The following CCDC18 variants were observed in gnomAD, a reference collection of about 807,000 sequenced individuals.
The protein encoded by CCDC18 is coiled-coil domain containing 18.
Under a neutral mutation model 196.0 loss-of-function variants are expected in CCDC18, and 157 were observed. The ratio of observed to expected loss-of-function variants is 0.80; its 90% CI spans 0.70 to 0.91. The LOEUF is 0.91. Among genes scored for constraint, CCDC18 ranks in the 40% least tolerant of loss-of-function variants. The probability of loss-of-function intolerance (pLI) is 0.00; values close to 1 mark genes in which losing one functional copy is unlikely to be tolerated. For missense variants in CCDC18, 1,465 were observed against 1,611.6 expected, an observed-to-expected ratio of 0.91 and a Z score of 1.56; for synonymous variants, 482 against 529.2, an observed-to-expected ratio of 0.91 and a Z score of 1.22.
At chr1:93,192,173 A>T (rs958584878) in intron 5 of CCDC18, 67 bp downstream of exon 5, 3 of 1,077,950 alleles carry the variant, frequency 2.8e-6, no homozygotes, top group African/African-American at 3.2e-5. Flanking sequence ...TATCTTGTTA[A>T]ATCTTGTTCC....
chr1:93,186,372 C>T lies in CCDC18; in HGVS notation c.331C>T (p.Gln111Ter). The T allele has an allele frequency of 1.2e-6, 2 of 1,611,640 alleles. No homozygotes were observed. The highest frequency in any genetic ancestry group is 1.7e-6 in the Non-Finnish European group (2 of 1,178,666). Residue 111 changes from glutamine (Q) to a stop codon, truncating the protein, a stop_gained, in exon 4 of 29, where the codon CAG becomes TAG. Coordinates refer to ENST00000690025, the MANE Select transcript of CCDC18 (RefSeq NM_001378204.1). LOFTEE classifies it high-confidence loss of function. Reference protein sequence around the residue: ...KMFSSSAPVDQEIKSLREKLN... With the variant: ...KMFSSSAPVD ...GTTTTCATCTTCTGCCCCTGTGGAT[C>T]AGGAGATTAAAAGCCTTCGAGAGAA...
intron 28 of CCDC18, among the ~76,000 whole-genome samples, chr1:93,271,938 A>C (rs1327814232): frequency 1.3e-5 from 2 of 151,692 alleles, no homozygotes; most frequent in African/African-American, 4.9e-5. Flanking sequence ...TGAACTAATT[A>C]CTTTCTCACT....
chr1:93,193,837 A>G (rs900978059), intron 6 of CCDC18, 93 bp downstream of exon 6: 1 of 953,306 alleles, frequency 1.0e-6, no homozygotes, highest in Non-Finnish European at 1.5e-6. Context: ...AAGTGAAAAA[A>G]TTTCAGAGAT....
intron 17 of CCDC18, 76 bp downstream of exon 17, chr1:93,226,525 AT>A (rs1553174834): frequency 2.4e-4 from 14 of 57,542 alleles, no homozygotes; most frequent in South Asian, 7.8e-4. Flanking sequence ...GTAGGACAAA[AT>A]ATATATATAT....
At chr1:93,200,762 T>G (rs1236212390) in intron 6 of CCDC18, among the ~76,000 whole-genome samples, 1 of 152,214 alleles carries the variant, frequency 6.6e-6, no homozygotes, top group Non-Finnish European at 1.5e-5. Context: ...CTTTTTGATG[T>G]GGCTGAAATA....
chr1:93,254,812 C>G (rs1662718020), intron 24 of CCDC18, among the ~76,000 whole-genome samples, 198 bp downstream of exon 24: 2 of 152,036 alleles, frequency 1.3e-5, no homozygotes. Context: ...TAGGCAAAGA[C>G]AGTGTCTTAT....
At position 93,246,847 on chromosome 1, in the gene CCDC18, T is replaced by G; in HGVS notation, c.3091T>G (p.Leu1031Val). 6.9e-7 allele frequency: 1 copy of G among 1,455,948 alleles called. No individual in the cohort carries two copies. The highest frequency in any genetic ancestry group is 9.6e-7 in the Non-Finnish European group (1 of 1,046,492). The allele number at this position is 1,455,948 out of a possible 1,614,324, so 90.2% of individuals were successfully genotyped here. A position where few individuals can be genotyped will look rare whatever the true frequency, so the allele number is the denominator to read the frequency against. Residue 1031 changes from leucine (L) to valine (V), a missense_variant, in exon 23 of 29, where the codon TTG (leucine) becomes GTG (valine). By Grantham distance (32) the Leu-to-Val change is conservative. Transcript: ENST00000690025. ...LKQRAAQVTH[L>V]DMTIREHRGE... ...TAAGGTTATTTTTTAGGTTACACAT[T>G]TGGATATGACTATTCGTGAGCACAG...
chr1:93,206,834 G>A (rs1219507931), intron 8 of CCDC18, among the ~76,000 whole-genome samples: 2 of 152,032 alleles, frequency 1.3e-5, no homozygotes, highest in African/African-American at 2.4e-5. Context: ...AAGACAGTAG[G>A]GCTGTCCTTC....
chr1:93,270,337 T>G lies in CCDC18; in HGVS notation c.3886-10T>G, dbSNP rs186513936. Reference sequence around the variant, plus strand: ...TATTGAGCACCTACTATGTACCAATTTATCTGCAGGAATCAGAATTAACCA... The same window carrying G: ...TATTGAGCACCTACTATGTACCAATGTATCTGCAGGAATCAGAATTAACCA... On this transcript the variant is annotated splice_polypyrimidine_tract_variant and intron_variant, in intron 27 of 28. Coordinates refer to ENST00000690025, the MANE Select transcript of CCDC18 (RefSeq NM_001378204.1). 3.7e-5 allele frequency: 55 copies of G among 1,494,534 alleles called. No individual in the cohort carries two copies. Among genetic ancestry groups the G allele is most frequent in the Non-Finnish European group, 4.9e-5 (54 of 1,102,204 alleles). The allele number at this position is 1,494,534 out of a possible 1,614,324, so 92.6% of individuals were successfully genotyped here.
At chr1:93,210,961 G>C (rs1405380937) in intron 10 of CCDC18, 35 bp downstream of exon 10, 9 of 1,609,564 alleles carry the variant, frequency 5.6e-6, no homozygotes, top group Non-Finnish European at 7.6e-6. Flanking sequence ...ATAGCAAATA[G>C]AATGTTTTTT....
chr1:93,258,135 T>C (rs1252141323), intron 25 of CCDC18, among the ~76,000 whole-genome samples: 1 of 151,492 alleles, frequency 6.6e-6, no homozygotes, highest in Non-Finnish European at 1.5e-5. Context: ...TAAAAGACAT[T>C]TGTAAGTGAA....
intron 18 of CCDC18, among the ~76,000 whole-genome samples, chr1:93,233,150 T>C (rs1244822401): frequency 1.3e-5 from 2 of 152,228 alleles, no homozygotes; most frequent in Non-Finnish European, 2.9e-5. Flanking sequence ...TCTCTCTTCT[T>C]GTACCTAATC....
In CCDC18 at chr1:93,214,754, A is replaced by G. The variant is rs1478391758; in HGVS notation, c.1507A>G (p.Lys503Glu). ...TTTATGTTTATTAGCAGAAAGCGTA[A>G]AAGATCAAAATCAACATACTATGAA... is the stretch of plus-strand genomic sequence containing the variant. ...LGGHQVAESVKDQNQHTMNKQ... is the reference protein window; with the variant it reads ...LGGHQVAESVEDQNQHTMNKQ... Residue 503 changes from lysine to glutamate, a missense_variant, in exon 12 of 29, where the codon AAA becomes GAA. Transcript: ENST00000690025. The G allele has an allele frequency of 6.2e-7, 1 of 1,610,468 alleles. No homozygotes were observed. Among genetic ancestry groups the G allele is most frequent in the Non-Finnish European group, 8.5e-7 (1 of 1,178,864 alleles).
chr1:93,222,490 C>T (rs1281040898), intron 16 of CCDC18, among the ~76,000 whole-genome samples: 3 of 152,026 alleles, frequency 2.0e-5, no homozygotes, highest in African/African-American at 7.2e-5. Flanking sequence ...TTGTTTTTAT[C>T]AGTTGGCTTG....
At chr1:93,227,971 A>AAAATATATATAT (rs57726461) in intron 17 of CCDC18, among the ~76,000 whole-genome samples, 1 of 125,356 alleles carries the variant, frequency 8.0e-6, no homozygotes, top group Non-Finnish European at 1.6e-5. Flanking sequence ...AAAAAAAAAA[A>AAAATATATATAT]ATATATATAT....
chr1:93,269,202 C>T (rs1485439028), intron 27 of CCDC18, among the ~76,000 whole-genome samples: 1 of 145,510 alleles, frequency 6.9e-6, no homozygotes, highest in Non-Finnish European at 1.5e-5. Context: ...CGCATGTTCT[C>T]ACTCATAGGT....
chr1:93,204,836 A>G (rs1294734563), intron 7 of CCDC18, among the ~76,000 whole-genome samples: 2 of 152,124 alleles, frequency 1.3e-5, no homozygotes, highest in African/African-American at 4.8e-5. Context: ...CTGTTTTGAG[A>G]GCTAAAGAGG....
chr1:93,236,126 AT>A (rs1660043507), intron 18 of CCDC18, 121 bp from the exon 19 acceptor site: 8 of 754,788 alleles, frequency 1.1e-5, no homozygotes, highest in African/African-American at 1.9e-5. Flanking sequence ...TTTTCCAAAC[AT>A]TACTTCTTGG....
intron 6 of CCDC18, among the ~76,000 whole-genome samples, chr1:93,194,606 G>C (rs554598538): frequency 6.6e-6 from 1 of 152,102 alleles, no homozygotes; most frequent in African/African-American, 2.4e-5. Context: ...GGATAGAAAT[G>C]AAGAGTAAAT....
Sources: allele counts gnomAD v4.1 joint callset (sites outside exome capture counted in the v4.1 genomes callset), GRCh38; gene constraint gnomAD v4.1.1; transcripts MANE v1.5; gene names NCBI Gene and HGNC (gene_info 2026-07-23, HGNC 2026-07-21).